The following LARGE1 variants were observed in gnomAD, a reference collection of about 807,000 sequenced individuals.
LARGE1 encodes LARGE xylosyl- and glucuronyltransferase 1.
Under a neutral mutation model 87.6 loss-of-function variants are expected in LARGE1, and 43 were observed. The ratio of observed to expected loss-of-function variants is 0.49; its 90% CI spans 0.38 to 0.63. The LOEUF (loss-of-function observed/expected upper bound fraction) is 0.63, where lower values mean the gene tolerates loss of function less well. Among genes scored for constraint, LARGE1 ranks in the 30% least tolerant of loss-of-function variants. LARGE1 has a pLI of 0.00. For synonymous variants in LARGE1, 434 were observed against 394.6 expected (o/e 1.10, Z -1.18); for missense variants, 802 against 1,000.2 (o/e 0.80, Z 2.67).
At chr22:33,307,794 G>A (rs2146208868) in intron 11 of LARGE1, among the ~76,000 whole-genome samples, 1 of 151,220 alleles carries the variant, frequency 6.6e-6, no homozygotes, top group East Asian at 1.9e-4. Context: ...TTTTGAGACA[G>A]AGTCTCACTC....
the LARGE1 span, among the ~76,000 whole-genome samples, chr22:33,104,907 CTTTCT>C: frequency 1.7e-5 from 1 of 59,574 alleles, no homozygotes; most frequent in Non-Finnish European, 4.4e-5. Context: ...TTCTTTCTTT[CTTTCT>C]TTCTTTCTTT....
At chr22:33,479,760 T>C (rs1602040432) in intron 6 of LARGE1, among the ~76,000 whole-genome samples, 1 of 151,956 alleles carries the variant, frequency 6.6e-6, no homozygotes, top group South Asian at 2.1e-4. Context: ...TTTTTTTTTT[T>C]TTGAGACAGA....
intron 4 of LARGE1, among the ~76,000 whole-genome samples, chr22:33,617,640 T>C (rs960310422): frequency 1.3e-5 from 2 of 152,224 alleles, no homozygotes; most frequent in Non-Finnish European, 1.5e-5. Flanking sequence ...CCAGGCCAGC[T>C]TGGGTACACA....
At chr22:33,610,620 A>G (rs1207345655) in intron 4 of LARGE1, among the ~76,000 whole-genome samples, 1 of 152,236 alleles carries the variant, frequency 6.6e-6, no homozygotes, top group East Asian at 1.9e-4. Flanking sequence ...GAAAAGAAAG[A>G]AAAGGCTTTA....
At chr22:33,354,665 T>C (rs1940724148) in intron 9 of LARGE1, among the ~76,000 whole-genome samples, 1 of 152,370 alleles carries the variant, frequency 6.6e-6, no homozygotes. Context: ...AGCTGAATGC[T>C]ACAAATATTT....
At chr22:33,436,181 C>T (rs757926588) in intron 6 of LARGE1, among the ~76,000 whole-genome samples, 4 of 152,214 alleles carry the variant, frequency 2.6e-5, no homozygotes, top group Non-Finnish European at 4.4e-5. Flanking sequence ...ATTGCTTAAC[C>T]TATCTCTGCC....
intron 11 of LARGE1, among the ~76,000 whole-genome samples, chr22:33,225,278 C>T (rs575670788): frequency 5.9e-5 from 9 of 152,280 alleles, no homozygotes; most frequent in African/African-American, 2.2e-4. Flanking sequence ...CACAAGGAAG[C>T]CACTGCCCTC....
chr22:33,099,558 C>T, the LARGE1 span, among the ~76,000 whole-genome samples: 1 of 152,100 alleles, frequency 6.6e-6, no homozygotes, highest in Non-Finnish European at 1.5e-5. Context: ...GGCGAGGATG[C>T]TAATTTAAAA....
intron 2 of LARGE1, among the ~76,000 whole-genome samples, chr22:33,667,314 C>T (rs1445221354): frequency 6.6e-6 from 1 of 152,234 alleles, no homozygotes; most frequent in Non-Finnish European, 1.5e-5. Context: ...GAAATGCAAA[C>T]AGCATCAAAT....
intron 11 of LARGE1, among the ~76,000 whole-genome samples, chr22:33,204,083 A>G (rs1162302347): frequency 6.6e-6 from 1 of 152,192 alleles, no homozygotes. Context: ...TGGATGAACA[A>G]AATAAATGGT....
chr22:33,489,531 T>C (rs1448836088), intron 6 of LARGE1, among the ~76,000 whole-genome samples: 1 of 152,294 alleles, frequency 6.6e-6, no homozygotes, highest in East Asian at 1.9e-4. Flanking sequence ...TCCCCCATAC[T>C]GTTCCTGTGG....
chr22:33,115,621 T>G, the LARGE1 span, among the ~76,000 whole-genome samples: 11 of 151,506 alleles, frequency 7.3e-5, no homozygotes, highest in East Asian at 3.9e-4. Flanking sequence ...ATGGAGACCA[T>G]CCTGGCCAAC....
chr22:33,865,298 C>T (rs867981064), intron 1 of LARGE1, among the ~76,000 whole-genome samples: 2 of 152,198 alleles, frequency 1.3e-5, no homozygotes, highest in South Asian at 2.1e-4. Flanking sequence ...TAATTTCAGC[C>T]GGACCTTCTC....
chr22:33,848,086 A>G (rs184329757), intron 1 of LARGE1, among the ~76,000 whole-genome samples: 349 of 152,348 alleles, frequency 2.3e-3, no homozygotes, highest in Non-Finnish European at 2.7e-3. Context: ...CCTATAGTCA[A>G]TTAATAGTTC....
intron 10 of LARGE1, among the ~76,000 whole-genome samples, chr22:33,319,280 AT>A (rs1335562425): frequency 6.6e-6 from 1 of 152,186 alleles, no homozygotes. Flanking sequence ...CACCCCTACC[AT>A]TGCCATGAGA....
intron 1 of LARGE1, among the ~76,000 whole-genome samples, chr22:33,777,941 G>A (rs1420376687): frequency 6.6e-6 from 1 of 152,162 alleles, no homozygotes; most frequent in Admixed American, 6.5e-5. Context: ...CTGAGGAGTG[G>A]GGCCTGTAGC....
chr22:33,660,422 G>A (rs1310805322), intron 2 of LARGE1, among the ~76,000 whole-genome samples: 1 of 152,150 alleles, frequency 6.6e-6, no homozygotes, highest in East Asian at 1.9e-4. Flanking sequence ...ACTAGAAAAG[G>A]TGAATAGATA....
intron 2 of LARGE1, among the ~76,000 whole-genome samples, chr22:33,710,514 G>A (rs529409157): frequency 6.6e-6 from 1 of 152,330 alleles, no homozygotes; most frequent in East Asian, 1.9e-4. Context: ...TCCCTGGCTG[G>A]CTGAAGAAAG....
At chr22:33,479,745 CTTT>C (rs35004846) in intron 6 of LARGE1, among the ~76,000 whole-genome samples, 3 of 139,058 alleles carry the variant, frequency 2.2e-5, no homozygotes, top group Non-Finnish European at 3.1e-5. Context: ...AAAGTAATGA[CTTT>C]TTTTTTTTTT....
Sources: allele counts gnomAD v4.1 joint callset (sites outside exome capture counted in the v4.1 genomes callset), GRCh38; gene constraint gnomAD v4.1.1; transcripts MANE v1.5; gene names NCBI Gene and HGNC (gene_info 2026-07-23, HGNC 2026-07-21).